Variants in PLEKHG4B observed in about 807,000 individuals in gnomAD.
PLEKHG4B encodes pleckstrin homology domain-containing family G member 4B.
In PLEKHG4B, 111 loss-of-function variants were observed where a neutral mutation model predicts 121.3. The ratio of observed to expected loss-of-function variants is 0.92; its 90% CI spans 0.78 to 1.07. PLEKHG4B has a LOEUF of 1.07. Among genes scored for constraint, PLEKHG4B ranks in the 50% least tolerant of loss-of-function variants. The pLI is 0.00. For missense variants in PLEKHG4B, 1,831 were observed against 1,757.8 expected (o/e 1.04, Z -0.74); for synonymous variants, 738 against 725.0 (o/e 1.02, Z -0.29).
At position 157,696 on chromosome 5, in the gene PLEKHG4B, G is replaced by T. The variant is rs867020342; in HGVS notation, c.2487+785G>T. ...CCCCTCTGGGCCTGACAGTTTAAGG[G>T]GTGCACACTCAGATAAAAAGTTTCT... On this transcript the variant is annotated intron_variant, in intron 11 of 19. Coordinates refer to ENST00000637938, the MANE Select transcript of PLEKHG4B (RefSeq NM_052909.5). The surrounding 1 kb of genome is among the most constrained non-coding windows in gnomAD (Gnocchi z 4.6). Among the ~76,000 whole-genome samples, 2 of 152,226 alleles carry T rather than the reference G, an allele frequency of 1.3e-5. No homozygotes were observed. Among genetic ancestry groups the T allele is most frequent in the Middle Eastern group, 3.4e-3 (1 of 294 alleles).
chr5:118,284 G>A (rs1734361543), intron 2 of PLEKHG4B, among the ~76,000 whole-genome samples: 1 of 152,174 alleles, frequency 6.6e-6, no homozygotes, highest in Admixed American at 6.5e-5. Flanking sequence ...ATTACCGTAG[G>A]AGATTTCACC....
chr5:153,548 C>T (rs1735669812), intron 7 of PLEKHG4B, among the ~76,000 whole-genome samples: 2 of 152,202 alleles, frequency 1.3e-5, no homozygotes, highest in South Asian at 2.1e-4. Flanking sequence ...ACACACATAC[C>T]GCGGGGCTTC....
chr5:140,231 G>C lies in PLEKHG4B; in HGVS notation c.992G>C (p.Gly331Ala). ...PKALTFHTDL[G>A]IPSSRRRPPG... is the part of the protein sequence containing the mutation. ...GCCCTCACCTTCCACACAGACCTGGGCATCCCGAGCAGCAGGAGGCGGCCG... is the reference window on the plus strand; with the variant it reads ...GCCCTCACCTTCCACACAGACCTGGCCATCCCGAGCAGCAGGAGGCGGCCG... Residue 331 changes from glycine to alanine, a missense_variant, in exon 3 of 20, where the codon GGC becomes GCC. By Grantham distance (60) the Gly-to-Ala change is moderately conservative. Coordinates refer to ENST00000637938, the MANE Select transcript of PLEKHG4B (RefSeq NM_052909.5). 1 of 1,414,444 alleles carries C rather than the reference G, an allele frequency of 7.1e-7. No homozygotes were observed. The highest frequency in any genetic ancestry group is 9.4e-7 in the Non-Finnish European group (1 of 1,066,642). 87.6% of individuals were successfully genotyped at this position (1,414,444 alleles called of 1,614,324 possible). A position where few individuals can be genotyped will look rare whatever the true frequency, so the allele number is the denominator to read the frequency against.
At position 184,278 on chromosome 5, in the gene PLEKHG4B, C is replaced by T. The variant is rs1053477; in HGVS notation, c.*1955C>T. 82,098 of 152,020 alleles carry T rather than the reference C, an allele frequency of 0.54. 24,251 individuals carry two copies. The highest frequency in any genetic ancestry group is 0.67 in the Non-Finnish European group (45,651 of 67,976). 9.4% of individuals were successfully genotyped at this position (152,020 alleles called of 1,614,324 possible). On this transcript the variant is annotated 3_prime_UTR_variant, in exon 20 of 20. Coordinates refer to ENST00000637938, the MANE Select transcript of PLEKHG4B (RefSeq NM_052909.5). ...CAGTGAACTCCAAACACAAGAGATA[C>T]GAGTGCACATCATAATCAAATTGCA...
rs1163565142 is a variant in PLEKHG4B, at chr5:135,675, AAAAAAAAATATATATATATAT to A, written c.244-3806_244-3786del. On this transcript the variant is annotated intron_variant, in intron 2 of 19. Coordinates refer to ENST00000637938, the MANE Select transcript of PLEKHG4B (RefSeq NM_052909.5). ...AGCAAGACTCCATCTCAAAAAAAAA[AAAAAAAAATATATATATATAT>A]ATATATATATATATATATATATATA... 5.5e-4 allele frequency among the ~76,000 whole-genome samples: 40 copies of A among 73,150 alleles called. 1 individual carries two copies. The highest frequency in any genetic ancestry group is 1.3e-3 in the East Asian group (4 of 3,028). 48.0% of individuals were successfully genotyped at this position (73,150 alleles called of 152,430 possible). A position where few individuals can be genotyped will look rare whatever the true frequency, so the allele number is the denominator to read the frequency against.
intron 13 of PLEKHG4B, among the ~76,000 whole-genome samples, chr5:164,388 A>T (rs983616520): frequency 1.3e-5 from 2 of 152,166 alleles, no homozygotes; most frequent in Non-Finnish European, 2.9e-5. Context: ...CAGGAGGCGG[A>T]GCTCACACAG....
chr5:164,804 T>C (rs1736225633), intron 13 of PLEKHG4B, among the ~76,000 whole-genome samples: 1 of 83,604 alleles, frequency 1.2e-5, no homozygotes, highest in Non-Finnish European at 2.5e-5. Context: ...GGGGCGGAGC[T>C]CACACACTAA....
Position 155,416 on chromosome 5 carries a change from C to T in PLEKHG4B, c.2181C>T (p.Asn727=). Residue 727 remains asparagine, a synonymous_variant, in exon 9 of 20, where the codon AAC becomes AAT. Transcript: ENST00000637938. ...IFLQNSFCSL[N]THRTPRTAQE... Reference sequence around the variant, plus strand: ...TACAGAATTCATTCTGCTCCCTGAACACCCACAGAACCCCAAGAACAGCCC... The same window carrying T: ...TACAGAATTCATTCTGCTCCCTGAATACCCACAGAACCCCAAGAACAGCCC... The T allele has an allele frequency of 6.2e-7, 1 of 1,614,154 alleles. No individual in the cohort carries two copies. Among genetic ancestry groups the T allele is most frequent in the Non-Finnish European group, 8.5e-7 (1 of 1,179,988 alleles).
chr5:92,472 C>CG lies in PLEKHG4B; in HGVS notation c.45+199dup, dbSNP rs565649385. Among the ~76,000 whole-genome samples, 86 of 57,998 alleles carry CG rather than the reference C, an allele frequency of 1.5e-3. 1 individual carries two copies. Among genetic ancestry groups the CG allele is most frequent in the African/African-American group, 5.9e-3 (76 of 12,938 alleles). The allele number at this position is 57,998 out of a possible 152,430, so 38.0% of individuals were successfully genotyped here. A position where few individuals can be genotyped will look rare whatever the true frequency, so the allele number is the denominator to read the frequency against. On this transcript the variant is annotated intron_variant, in intron 1 of 19. Transcript: ENST00000637938. ...GCGGGTGGGGGCGCCGGGGTAGGGG[C>CG]GGGTGGGGGCGCGGGGGTAGGGGCG...
chr5:110,700 C>T (rs1275746162), intron 1 of PLEKHG4B, among the ~76,000 whole-genome samples: 4 of 151,830 alleles, frequency 2.6e-5, no homozygotes, highest in Non-Finnish European at 5.9e-5. Flanking sequence ...CACACGTGCA[C>T]ACATACAAAA....
At chr5:142,666 TCACA>T (rs1419877354) in intron 3 of PLEKHG4B, among the ~76,000 whole-genome samples, 1 of 151,844 alleles carries the variant, frequency 6.6e-6, no homozygotes, top group Non-Finnish European at 1.5e-5. Context: ...GTCACATGCC[TCACA>T]CAATCACACG....
intron 16 of PLEKHG4B, among the ~76,000 whole-genome samples, chr5:172,138 G>A (rs942428207): frequency 4.0e-5 from 6 of 151,496 alleles, no homozygotes; most frequent in African/African-American, 7.2e-5. Context: ...GGCCCATCTC[G>A]GGCCCCCAAC....
At chr5:110,279 C>T (rs1202808122) in intron 1 of PLEKHG4B, among the ~76,000 whole-genome samples, 3 of 150,648 alleles carry the variant, frequency 2.0e-5, no homozygotes, top group East Asian at 2.0e-4. Context: ...ATCTGCAACA[C>T]ACATGCATAC....
intron 2 of PLEKHG4B, among the ~76,000 whole-genome samples, chr5:138,043 T>C (rs1012721592): frequency 1.3e-5 from 2 of 152,228 alleles, no homozygotes; most frequent in East Asian, 3.9e-4. Context: ...AATGTCTGTA[T>C]GGACTGTGGG....
intron 7 of PLEKHG4B, among the ~76,000 whole-genome samples, chr5:153,471 A>G (rs114299978): frequency 5.3e-4 from 81 of 152,296 alleles, no homozygotes; most frequent in Non-Finnish European, 1.1e-3. Context: ...CAGTGGGTTC[A>G]GTTTAATTCT....
rs1735807728 is a variant in PLEKHG4B, at chr5:157,006, C to T, written c.2487+95C>T. 1.4e-6 allele frequency: 2 copies of T among 1,466,620 alleles called. No individual in the cohort carries two copies. Among genetic ancestry groups the T allele is most frequent in the Non-Finnish European group, 1.9e-6 (2 of 1,066,986 alleles). The allele number at this position is 1,466,620 out of a possible 1,614,324, so 90.9% of individuals were successfully genotyped here. A position where few individuals can be genotyped will look rare whatever the true frequency, so the allele number is the denominator to read the frequency against. On this transcript the variant is annotated intron_variant, in intron 11 of 19. Coordinates refer to ENST00000637938, the MANE Select transcript of PLEKHG4B (RefSeq NM_052909.5). This position sits in a 1 kb window ranked among gnomAD's most constrained non-coding sequence, Gnocchi z 4.6. ...TCACCTTCACACTGTGTCTTTAGGG[C>T]CTTGATCTGATTTCCATTTGGAATG...
chr5:188,821 G>C lies in PLEKHG4B; in HGVS notation c.*6498G>C, dbSNP rs1016556818. The C allele has an allele frequency of 6.6e-6, 1 of 152,284 alleles. No homozygotes were observed. The highest frequency in any genetic ancestry group is 1.5e-5 in the Non-Finnish European group (1 of 68,086). The allele number at this position is 152,284 out of a possible 1,614,324, so 9.4% of individuals were successfully genotyped here. ...CTTTGGAACCAGAGGCAGGCTCAGC[G>C]ATGCTCTCCATCCGGCCTGGCCCCA... On this transcript the variant is annotated 3_prime_UTR_variant, in exon 20 of 20. Coordinates refer to ENST00000637938, the MANE Select transcript of PLEKHG4B (RefSeq NM_052909.5).
intron 2 of PLEKHG4B, among the ~76,000 whole-genome samples, chr5:126,753 G>A (rs3909896): frequency 0.19 from 28,278 of 152,024 alleles, 3,616 homozygotes; most frequent in African/African-American, 0.36. Flanking sequence ...GGACATGGAC[G>A]CACATGAGGA....
intron 3 of PLEKHG4B, 146 bp from the exon 4 acceptor site, chr5:142,901 C>T: frequency 1.3e-6 from 1 of 775,478 alleles, no homozygotes; most frequent in South Asian, 1.6e-5. Flanking sequence ...GCTTTCACTT[C>T]CCGTGTGAAC....
Sources: allele counts gnomAD v4.1 joint callset (sites outside exome capture counted in the v4.1 genomes callset), GRCh38; gene constraint gnomAD v4.1.1; non-coding constraint Gnocchi (gnomAD v3.1); transcripts MANE v1.5; gene names NCBI Gene and HGNC (gene_info 2026-07-23, HGNC 2026-07-21).